Variants in ALKBH8 observed in about 807,000 individuals in gnomAD.
ALKBH8 encodes the protein tRNA (carboxymethyluridine(34)-5-O)-methyltransferase ALKBH8.
In ALKBH8, 36 loss-of-function variants were observed where a neutral mutation model predicts 59.8. That is an observed-to-expected ratio of 0.60 (90% CI 0.46 to 0.79). ALKBH8 has a LOEUF of 0.79. Ranked by LOEUF, ALKBH8 falls within the 30% of genes least tolerant of loss-of-function variation. The probability of loss-of-function intolerance (pLI) is 0.00; values close to 1 mark genes in which losing one functional copy is unlikely to be tolerated. For missense variants in ALKBH8, 768 were observed against 801.0 expected, an observed-to-expected ratio of 0.96 and a Z score of 0.50; for synonymous variants, 276 against 273.6, an observed-to-expected ratio of 1.01 and a Z score of -0.09.
At chr11:107,523,748 G>A (rs1419709211) in intron 9 of ALKBH8, among the ~76,000 whole-genome samples, 4 of 151,444 alleles carry the variant, frequency 2.6e-5, no homozygotes, top group South Asian at 4.2e-4. Context: ...GATTACAGGC[G>A]TGTGCCACCA....
intron 7 of ALKBH8, among the ~76,000 whole-genome samples, chr11:107,543,110 G>A (rs645225): frequency 0.75 from 114,683 of 152,106 alleles, 44,391 homozygotes; most frequent in South Asian, 0.85. Flanking sequence ...AGGCCAAGGC[G>A]GGTGGATCAC....
At chr11:107,532,482 T>C in intron 7 of ALKBH8, 76 bp from the exon 8 acceptor site, 2 of 981,416 alleles carry the variant, frequency 2.0e-6, no homozygotes, top group South Asian at 2.8e-5. Flanking sequence ...TTAATAGAGT[T>C]TGGCTATTTT....
intron 1 of ALKBH8, 116 bp downstream of exon 1, chr11:107,565,485 C>G: frequency 2.0e-6 from 3 of 1,466,566 alleles, no homozygotes; most frequent in Non-Finnish European, 2.8e-6. Context: ...GATCCATCCC[C>G]TTTCCCTAGG....
intron 8 of ALKBH8, among the ~76,000 whole-genome samples, chr11:107,526,524 T>C (rs946853449): frequency 6.6e-5 from 10 of 151,944 alleles, no homozygotes; most frequent in Admixed American, 5.9e-4. Context: ...TCTCTCCATG[T>C]GTGGCTGCCT....
At chr11:107,521,655 A>G (rs1353898023) in intron 10 of ALKBH8, among the ~76,000 whole-genome samples, 1 of 151,994 alleles carries the variant, frequency 6.6e-6, no homozygotes, top group African/African-American at 2.4e-5. Flanking sequence ...AGCACAGCAG[A>G]AAAAAAATGG....
At chr11:107,516,889 G>C (rs1277150296) in intron 10 of ALKBH8, among the ~76,000 whole-genome samples, 1 of 151,990 alleles carries the variant, frequency 6.6e-6, no homozygotes, top group East Asian at 1.9e-4. Flanking sequence ...AGCTGGGTGT[G>C]GTGGTGCATG....
chr11:107,558,495 G>C (rs1864802882), intron 2 of ALKBH8, among the ~76,000 whole-genome samples: 1 of 152,132 alleles, frequency 6.6e-6, no homozygotes, highest in South Asian at 2.1e-4. Flanking sequence ...ATCTATGGAA[G>C]AGCAAAGGTT....
Position 107,513,080 on chromosome 11 carries a change from C to T in ALKBH8, c.1288-2044G>A, listed in dbSNP as rs983974349. The stretch of plus-strand genomic sequence containing the variant: ...CTAATTAAACTAAAGAGCTTCTGCA[C>T]GGCAAAAGAAACTATCAACAGAGTG... On this transcript the variant is annotated intron_variant, in intron 10 of 11. Transcript: ENST00000428149. 8.5e-5 allele frequency among the ~76,000 whole-genome samples: 13 copies of T among 152,216 alleles called. No homozygotes were observed. In the East Asian group the frequency reaches 1.7e-3, roughly 20 times the overall value.
intron 7 of ALKBH8, among the ~76,000 whole-genome samples, chr11:107,548,673 C>T (rs973996643): frequency 1.3e-5 from 2 of 152,118 alleles, no homozygotes; most frequent in South Asian, 2.1e-4. Context: ...TACACAAGCT[C>T]GGGAAGGGTT....
intron 10 of ALKBH8, 102 bp downstream of exon 10, chr11:107,522,197 T>C (rs1047849035): frequency 7.4e-7 from 1 of 1,345,046 alleles, no homozygotes; most frequent in Non-Finnish European, 1.0e-6. Context: ...GTTATAACTT[T>C]CTGGCAATGA....
intron 3 of ALKBH8, among the ~76,000 whole-genome samples, chr11:107,554,405 A>G (rs536966182): frequency 3.9e-5 from 6 of 152,240 alleles, no homozygotes; most frequent in Middle Eastern, 3.2e-3. Flanking sequence ...AGAGAAATGT[A>G]AAATAAAATA....
intron 7 of ALKBH8, among the ~76,000 whole-genome samples, chr11:107,538,011 C>T (rs757163369): frequency 4.6e-5 from 7 of 151,898 alleles, no homozygotes; most frequent in East Asian, 1.9e-4. Flanking sequence ...TTTAGATAGC[C>T]GGCCTTGGAA....
chr11:107,522,524 T>C lies in ALKBH8; in HGVS notation c.1062A>G (p.Lys354=). ...TCTCTGGAAATGAGGGGGGAGTCTC[T>C]TTCCTCTGGCTATCACAGACCAACG... is the stretch of plus-strand genomic sequence containing the variant. ...SYPLVCDSQR[K]ETPPSFPESD... is the part of the protein sequence containing the mutation. The change falls in exon 10 of 12, where the codon AAA becomes AAG. Residue 354 remains lysine, a synonymous_variant. Transcript: ENST00000428149. 1 of 1,551,622 alleles carries C rather than the reference T, an allele frequency of 6.4e-7. No homozygotes were observed. The highest frequency in any genetic ancestry group is 8.7e-7 in the Non-Finnish European group (1 of 1,146,960).
Position 107,504,698 on chromosome 11 carries a change from T to C in ALKBH8, c.1955A>G (p.Tyr652Cys), listed in dbSNP as rs758590359. ...VSDVRILQSY[Y>C]DQGNWCVILQ... is the part of the protein sequence containing the mutation. ...AATCACACACCAGTTTCCTTGATCG[T>C]AGTAGCTTTGCAGAATTCTGACATC... The change falls in exon 12 of 12, where the codon TAC (tyrosine) becomes TGC (cysteine). Residue 652 changes from tyrosine to cysteine, a missense_variant. Physicochemically the swap from Tyr to Cys is radical, Grantham distance 194. Coordinates refer to ENST00000428149, the MANE Select transcript of ALKBH8 (RefSeq NM_138775.3). 1.3e-6 allele frequency: 2 copies of C among 1,550,856 alleles called. No individual in the cohort carries two copies. Among genetic ancestry groups the C allele is most frequent in the Non-Finnish European group, 1.7e-6 (2 of 1,146,476 alleles).
At chr11:107,548,911 C>T (rs1864379180) in intron 7 of ALKBH8, among the ~76,000 whole-genome samples, 1 of 151,516 alleles carries the variant, frequency 6.6e-6, no homozygotes, top group African/African-American at 2.4e-5. Context: ...AGTGCAGTGG[C>T]GCAATCTCGG....
At chr11:107,505,607 T>C (rs947712487) in intron 11 of ALKBH8, among the ~76,000 whole-genome samples, 1 of 152,232 alleles carries the variant, frequency 6.6e-6, no homozygotes, top group Non-Finnish European at 1.5e-5. Context: ...CTTCTACTTA[T>C]AGCCTTGACG....
chr11:107,562,995 A>C (rs1376514889), intron 1 of ALKBH8, among the ~76,000 whole-genome samples: 1 of 152,192 alleles, frequency 6.6e-6, no homozygotes, highest in Non-Finnish European at 1.5e-5. Context: ...TACCACTTCA[A>C]AACTGGAAAG....
At chr11:107,517,393 G>A (rs1189642462) in intron 10 of ALKBH8, among the ~76,000 whole-genome samples, 1 of 152,176 alleles carries the variant, frequency 6.6e-6, no homozygotes. Context: ...ACTACCATAT[G>A]ATCCAGCAAT....
At chr11:107,531,644 T>C (rs993344138) in intron 8 of ALKBH8, among the ~76,000 whole-genome samples, 3 of 152,152 alleles carry the variant, frequency 2.0e-5, no homozygotes, top group Non-Finnish European at 4.4e-5. Flanking sequence ...ATAATAAGAG[T>C]ATTTTATCAA....
Sources: gnomAD v4.1 joint callset for allele counts (sites outside exome capture counted in the v4.1 genomes callset) on GRCh38, gnomAD v4.1.1 for gene constraint, MANE v1.5 for transcripts, NCBI Gene and HGNC (gene_info 2026-07-23, HGNC 2026-07-21) for gene names.